Variants in IL1RAPL2 observed in about 807,000 individuals in gnomAD.
The protein encoded by IL1RAPL2 is X-linked interleukin-1 receptor accessory protein-like 2.
Under a neutral mutation model 44.1 loss-of-function variants are expected in IL1RAPL2, and 3 were observed. That is an observed-to-expected ratio of 0.07 (90% CI 0.03 to 0.18). The LOEUF (loss-of-function observed/expected upper bound fraction) is 0.18. Among genes scored for constraint, IL1RAPL2 ranks in the 10% least tolerant of loss-of-function variants. The pLI, the probability that IL1RAPL2 is intolerant of heterozygous loss-of-function variation, is 1.00. For synonymous variants in IL1RAPL2, 181 were observed against 178.8 expected (o/e 1.01, Z -0.10); for missense variants, 391 against 496.4 (o/e 0.79, Z 2.02).
intron 1 of IL1RAPL2, among the ~76,000 whole-genome samples, chrX:104,596,852 G>A (rs1049768609): frequency 1.8e-5 from 2 of 111,504 alleles, no homozygotes; most frequent in African/African-American, 3.3e-5. Flanking sequence ...GAACAGGCTA[G>A]TATTAGAAAA....
chrX:104,801,816 C>T (rs1471679919), intron 2 of IL1RAPL2, among the ~76,000 whole-genome samples: 1 of 111,445 alleles, frequency 9.0e-6, no homozygotes, highest in Non-Finnish European at 1.9e-5. Context: ...TTATTTCCAC[C>T]CACTCCTATA....
chrX:104,610,226 C>G (rs1272577593), intron 1 of IL1RAPL2, among the ~76,000 whole-genome samples: 1 of 110,808 alleles, frequency 9.0e-6, no homozygotes, highest in East Asian at 2.8e-4. Flanking sequence ...GGGCACAAGA[C>G]CGGGATGCCC....
At chrX:104,712,527 T>C (rs1032467415) in intron 2 of IL1RAPL2, among the ~76,000 whole-genome samples, 2 of 110,616 alleles carry the variant, frequency 1.8e-5, no homozygotes, top group African/African-American at 3.3e-5. Flanking sequence ...ATATGTACAA[T>C]ATATATAAGG....
intron 6 of IL1RAPL2, among the ~76,000 whole-genome samples, chrX:105,498,348 C>T (rs1243635862): frequency 3.6e-5 from 4 of 111,155 alleles, no homozygotes; most frequent in Admixed American, 1.9e-4. Context: ...AGGAGGTGAA[C>T]GATCTGTATA....
Position 105,195,706 on chromosome X carries a change from C to T in IL1RAPL2, c.314C>T (p.Ser105Leu). ...GAGGAAGATTCAATATGGTTTCACT[C>T]AGCTGAGGCACAAGACAGTGGATTC... ...SKEEDSIWFH[S>L]AEAQDSGFYT... The change falls in exon 3 of 11, where the codon TCA (serine) becomes TTA (leucine). Residue 105 changes from serine to leucine, a missense_variant. Coordinates refer to ENST00000372582, the MANE Select transcript of IL1RAPL2 (RefSeq NM_017416.2). The T allele has an allele frequency of 8.3e-7, 1 of 1,211,582 alleles. No homozygotes were observed. Among genetic ancestry groups the T allele is most frequent in the Non-Finnish European group, 1.1e-6 (1 of 895,247 alleles).
chrX:105,410,222 G>A (rs2035684795), intron 5 of IL1RAPL2, among the ~76,000 whole-genome samples: 1 of 110,290 alleles, frequency 9.1e-6, no homozygotes, highest in Non-Finnish European at 1.9e-5. Context: ...AGAAGTCAAG[G>A]CAGTAGATCC....
intron 2 of IL1RAPL2, among the ~76,000 whole-genome samples, chrX:105,029,301 G>A (rs930901818): frequency 8.7e-5 from 9 of 103,907 alleles, no homozygotes; most frequent in African/African-American, 3.2e-4. Flanking sequence ...TGCACAATGT[G>A]CAGGTTTGTT....
At chrX:105,457,372 A>G (rs1326313433) in intron 5 of IL1RAPL2, among the ~76,000 whole-genome samples, 1 of 110,634 alleles carries the variant, frequency 9.0e-6, no homozygotes, top group Non-Finnish European at 1.9e-5. Flanking sequence ...CATCTCCAAC[A>G]TGAACTCTGC....
rs1445827947 is a variant in IL1RAPL2, at chrX:105,382,406, A to G, written c.698-101907A>G. ...ACTGGCCATCAGAGAAATGCAAATC[A>G]AAACCACAATGAGATACCACTTCAC... On this transcript the variant is annotated intron_variant, in intron 5 of 10. Coordinates refer to ENST00000372582, the MANE Select transcript of IL1RAPL2 (RefSeq NM_017416.2). 5.5e-5 allele frequency among the ~76,000 whole-genome samples: 6 copies of G among 109,841 alleles called. No individual in the cohort carries two copies. In the East Asian group the frequency reaches 1.4e-3, roughly 26 times the overall value.
At chrX:104,903,111 C>T (rs1180283555) in intron 2 of IL1RAPL2, among the ~76,000 whole-genome samples, 1 of 111,623 alleles carries the variant, frequency 9.0e-6, no homozygotes, top group Non-Finnish European at 1.9e-5. Flanking sequence ...ATATTCAATA[C>T]AATAGCCAAA....
At chrX:104,738,894 T>A (rs1384188060) in intron 2 of IL1RAPL2, among the ~76,000 whole-genome samples, 5 of 112,261 alleles carry the variant, frequency 4.5e-5, no homozygotes, top group Non-Finnish European at 9.4e-5. Flanking sequence ...GAGCTATTAT[T>A]GCACCACTGC....
At chrX:104,581,249 C>T (rs1016933539) in intron 1 of IL1RAPL2, among the ~76,000 whole-genome samples, 1 of 111,791 alleles carries the variant, frequency 8.9e-6, no homozygotes, top group African/African-American at 3.3e-5. Context: ...TAAGAAGGTA[C>T]TAAGCCACTT....
chrX:105,635,553 T>A (rs1010497507), intron 6 of IL1RAPL2, among the ~76,000 whole-genome samples: 11 of 111,648 alleles, frequency 9.9e-5, no homozygotes, highest in Non-Finnish European at 1.9e-4. Flanking sequence ...CAGTTATTGA[T>A]CACTTTCTAT....
At chrX:104,801,447 T>G (rs985384031) in intron 2 of IL1RAPL2, among the ~76,000 whole-genome samples, 14 of 111,683 alleles carry the variant, frequency 1.3e-4, no homozygotes, top group Middle Eastern at 4.6e-3. Flanking sequence ...GTTGTTGTTT[T>G]TTTTTTGTTT....
chrX:105,344,255 A>G (rs2035093576), intron 5 of IL1RAPL2, among the ~76,000 whole-genome samples: 1 of 112,148 alleles, frequency 8.9e-6, no homozygotes, highest in African/African-American at 3.2e-5. Flanking sequence ...AAATTATAAT[A>G]GGACAAAGAC....
intron 2 of IL1RAPL2, among the ~76,000 whole-genome samples, chrX:104,988,887 CACTT>C (rs2030610062): frequency 8.9e-6 from 1 of 111,775 alleles, no homozygotes; most frequent in East Asian, 2.8e-4. Context: ...TATTTGTACT[CACTT>C]AAGGTAATAA....
intron 5 of IL1RAPL2, among the ~76,000 whole-genome samples, chrX:105,313,669 C>A (rs761179225): frequency 8.9e-6 from 1 of 111,781 alleles, no homozygotes; most frequent in East Asian, 2.8e-4. Flanking sequence ...TCTTTACACA[C>A]AAAAAAGATC....
At chrX:105,435,352 A>G (rs1447529445) in intron 5 of IL1RAPL2, among the ~76,000 whole-genome samples, 1 of 111,995 alleles carries the variant, frequency 8.9e-6, no homozygotes, top group Non-Finnish European at 1.9e-5. Flanking sequence ...ATACCATCTC[A>G]TGCCAGTCAG....
At chrX:105,262,445 A>G (rs1212857154) in intron 4 of IL1RAPL2, among the ~76,000 whole-genome samples, 1 of 112,050 alleles carries the variant, frequency 8.9e-6, no homozygotes, top group African/African-American at 3.2e-5. Context: ...ATAATAGACT[A>G]ATAGTTAATA....
Sources: allele counts gnomAD v4.1 joint callset (sites outside exome capture counted in the v4.1 genomes callset), GRCh38; gene constraint gnomAD v4.1.1; transcripts MANE v1.5; gene names NCBI Gene and HGNC (gene_info 2026-07-23, HGNC 2026-07-21).